Variants in ACOX3 observed in about 807,000 individuals in gnomAD.
ACOX3 encodes the protein acyl-CoA oxidase 3, pristanoyl.
Under a neutral mutation model 81.5 loss-of-function variants are expected in ACOX3, and 73 were observed. That is an observed-to-expected ratio of 0.90 (90% confidence interval 0.74 to 1.09). The LOEUF is 1.09. Ranked by LOEUF, ACOX3 falls within the 50% of genes least tolerant of loss-of-function variation. The probability of loss-of-function intolerance (pLI) is 0.00; values close to 1 mark genes in which losing one functional copy is unlikely to be tolerated. For synonymous variants in ACOX3, 387 were observed against 375.1 expected (o/e 1.03, Z -0.37); for missense variants, 947 against 928.0 (o/e 1.02, Z -0.27).
chr4:8,416,949 G>C lies in ACOX3; in HGVS notation c.-14-414C>G, dbSNP rs912595063. Among the ~76,000 whole-genome samples the C allele has an allele frequency of 6.6e-6, 1 of 152,236 alleles. No homozygotes were observed. Among genetic ancestry groups the C allele is most frequent in the African/African-American group, 2.4e-5 (1 of 41,460 alleles). On this transcript the variant is annotated intron_variant, in intron 1 of 17. Coordinates refer to ENST00000356406, the MANE Select transcript of ACOX3 (RefSeq NM_003501.3). The surrounding 1 kb of genome is among the most constrained non-coding windows in gnomAD (Gnocchi z 4.2). ...AAGCATTCCCTCTGGAATCCAGCCAGTGCCAGCTGGTCCACTCTGGCCACA... is the reference window on the plus strand; with the variant it reads ...AAGCATTCCCTCTGGAATCCAGCCACTGCCAGCTGGTCCACTCTGGCCACA...
chr4:8,418,219 A>G (rs1722545242), intron 1 of ACOX3, among the ~76,000 whole-genome samples: 1 of 152,210 alleles, frequency 6.6e-6, no homozygotes, highest in African/African-American at 2.4e-5. Context: ...ATCACAAGAG[A>G]ACTAGAAATA....
At position 8,400,295 on chromosome 4, in the gene ACOX3, G is replaced by A. The variant is rs1421805804; in HGVS notation, c.777-643C>T. ...ATAATAATAATAATAAAAGCATTGTGTATATGGTAAGTTGTACTCCAAGTA... is the reference window on the plus strand; with the variant it reads ...ATAATAATAATAATAAAAGCATTGTATATATGGTAAGTTGTACTCCAAGTA... On this transcript the variant is annotated intron_variant, in intron 7 of 17. Transcript: ENST00000356406. This position sits in a 1 kb window ranked among gnomAD's most constrained non-coding sequence, Gnocchi z 4.4. Among the ~76,000 whole-genome samples, 4 of 147,148 alleles carry A rather than the reference G, an allele frequency of 2.7e-5. No homozygotes were observed. Among genetic ancestry groups the A allele is most frequent in the South Asian group, 2.1e-4 (1 of 4,716 alleles).
intron 14 of ACOX3, 29 bp from the exon 15 acceptor site, chr4:8,375,181 C>T (rs1006799321): frequency 3.3e-5 from 50 of 1,508,100 alleles, no homozygotes; most frequent in African/African-American, 5.6e-5. Flanking sequence ...CCGTGAGGAC[C>T]GTGAGGGTCC....
Position 8,400,610 on chromosome 4 carries a change from C to T in ACOX3, c.777-958G>A, listed in dbSNP as rs1253037256. ...TGTTATGGTTGTCTGGTCAGGAAAA[C>T]CTATTACACAACAGTCTAGGGAATA... On this transcript the variant is annotated intron_variant, in intron 7 of 17. Coordinates refer to ENST00000356406, the MANE Select transcript of ACOX3 (RefSeq NM_003501.3). The surrounding 1 kb of genome is among the most constrained non-coding windows in gnomAD (Gnocchi z 4.4). 6.6e-6 allele frequency among the ~76,000 whole-genome samples: 1 copy of T among 152,104 alleles called. No individual in the cohort carries two copies. Among genetic ancestry groups the T allele is most frequent in the Non-Finnish European group, 1.5e-5 (1 of 68,036 alleles).
At chr4:8,426,597 T>C (rs1315805389) in intron 1 of ACOX3, among the ~76,000 whole-genome samples, 2 of 147,084 alleles carry the variant, frequency 1.4e-5, no homozygotes, top group Non-Finnish European at 3.0e-5. Flanking sequence ...TAGCTCCCCT[T>C]ACCAAGAGCT....
rs1450173542 is a variant in ACOX3 at position 8,406,299 on chromosome 4, G to T, written c.688-256C>A. ...AGGTCATCCCAAATCACCCAGGTGG[G>T]CCCTAAATCCCACGGCAAGTGTCCT... On this transcript the variant is annotated intron_variant, in intron 6 of 17. Transcript: ENST00000356406. The surrounding 1 kb of genome is among the most constrained non-coding windows in gnomAD (Gnocchi z 5.6). Among the ~76,000 whole-genome samples, 3 of 152,202 alleles carry T rather than the reference G, an allele frequency of 2.0e-5. No homozygotes were observed. Among genetic ancestry groups the T allele is most frequent in the Non-Finnish European group, 4.4e-5 (3 of 68,046 alleles).
intron 1 of ACOX3, among the ~76,000 whole-genome samples, chr4:8,428,672 C>T (rs1341165900): frequency 6.6e-6 from 1 of 152,268 alleles, no homozygotes; most frequent in African/African-American, 2.4e-5. Context: ...CGAGTCGCTG[C>T]CCTCTCGGAG....
At chr4:8,417,496 T>C (rs1028353938) in intron 1 of ACOX3, among the ~76,000 whole-genome samples, 3 of 151,962 alleles carry the variant, frequency 2.0e-5, no homozygotes, top group Non-Finnish European at 2.9e-5. Flanking sequence ...CTGCCCCCCA[T>C]GAAAGATGGA....
chr4:8,360,993 C>T, the ACOX3 span, among the ~76,000 whole-genome samples: 9 of 152,064 alleles, frequency 5.9e-5, no homozygotes, highest in Admixed American at 2.6e-4. Flanking sequence ...CAATTAACAT[C>T]GTCACATGTA....
Position 8,382,343 on chromosome 4 carries a change from A to ACTC in ACOX3, c.1538-739_1538-737dup, listed in dbSNP as rs1257930522. Among the ~76,000 whole-genome samples, 1 of 151,950 alleles carries ACTC rather than the reference A, an allele frequency of 6.6e-6. No individual in the cohort carries two copies. Among genetic ancestry groups the ACTC allele is most frequent in the Non-Finnish European group, 1.5e-5 (1 of 67,994 alleles). ...ACAGCCAGAGCTGGCCTCCCACAGT[A>ACTC]CTCCGTATGGACCAGGCATGGTCCT... On this transcript the variant is annotated intron_variant, in intron 13 of 17. Coordinates refer to ENST00000356406, the MANE Select transcript of ACOX3 (RefSeq NM_003501.3). The surrounding 1 kb of genome is among the most constrained non-coding windows in gnomAD (Gnocchi z 4.1).
chr4:8,422,270 T>C (rs1283142804), intron 1 of ACOX3, among the ~76,000 whole-genome samples: 1 of 151,752 alleles, frequency 6.6e-6, no homozygotes, highest in African/African-American at 2.4e-5. Flanking sequence ...TATAAGTAGT[T>C]AAGAAAAAAA....
chr4:8,389,392 C>A lies in ACOX3; in HGVS notation c.1424-106G>T, dbSNP rs16842165. The A allele has an allele frequency of 0.037, 48,343 of 1,297,906 alleles. 1,753 individuals carry two copies. Among genetic ancestry groups the A allele is most frequent in the African/African-American group, 0.18 (12,213 of 68,014 alleles). 80.4% of individuals were successfully genotyped at this position (1,297,906 alleles called of 1,614,324 possible). ...CACAGAGAGTGTCCAGAGGACCCGA[C>A]GGCCACAGACCCACAGGCGAGGGTC... is the stretch of plus-strand genomic sequence containing the variant. On this transcript the variant is annotated intron_variant, in intron 12 of 17. Coordinates refer to ENST00000356406, the MANE Select transcript of ACOX3 (RefSeq NM_003501.3). The surrounding 1 kb of genome is among the most constrained non-coding windows in gnomAD (Gnocchi z 5.3).
intron 14 of ACOX3, among the ~76,000 whole-genome samples, chr4:8,376,737 C>T (rs3756185): frequency 0.39 from 58,591 of 151,940 alleles, 11,303 homozygotes; most frequent in Middle Eastern, 0.45. Context: ...GGCCTTGGGG[C>T]TTCCTGCCCT....
Position 8,385,922 on chromosome 4 carries a change from C to T in ACOX3, c.1537+3251G>A, listed in dbSNP as rs1051704458. Among the ~76,000 whole-genome samples, 1 of 152,256 alleles carries T rather than the reference C, an allele frequency of 6.6e-6. No individual in the cohort carries two copies. The highest frequency in any genetic ancestry group is 6.5e-5 in the Admixed American group (1 of 15,288). On this transcript the variant is annotated intron_variant, in intron 13 of 17. Coordinates refer to ENST00000356406, the MANE Select transcript of ACOX3 (RefSeq NM_003501.3). The surrounding 1 kb of genome is among the most constrained non-coding windows in gnomAD (Gnocchi z 5.5). ...GGCGTGAGGGATAATGGCGGTCTCTCTCCCATACCACTTTGAACAAGTGAA... is the reference window on the plus strand; with the variant it reads ...GGCGTGAGGGATAATGGCGGTCTCTTTCCCATACCACTTTGAACAAGTGAA...
rs952976945 is a variant in ACOX3, at chr4:8,381,211, C to G, written c.1653+281G>C. On this transcript the variant is annotated intron_variant, in intron 14 of 17. Transcript: ENST00000356406. The surrounding 1 kb of genome is among the most constrained non-coding windows in gnomAD (Gnocchi z 4.3). ...TCCGCCACTCTGTGCATCCAAGGCT[C>G]TCACAACCCAGAGCTTCACCGCTCT... Among the ~76,000 whole-genome samples the G allele has an allele frequency of 2.0e-5, 3 of 152,190 alleles. No homozygotes were observed. Among genetic ancestry groups the G allele is most frequent in the African/African-American group, 7.2e-5 (3 of 41,448 alleles).
intron 14 of ACOX3, among the ~76,000 whole-genome samples, chr4:8,376,254 T>A (rs1716946302): frequency 6.6e-6 from 1 of 152,166 alleles, no homozygotes; most frequent in African/African-American, 2.4e-5. Flanking sequence ...TCTTTCCCTG[T>A]CTCCCATTTA....
downstream of ACOX3, among the ~76,000 whole-genome samples, chr4:8,365,728 A>G (rs1236831854): frequency 6.6e-6 from 1 of 150,562 alleles, no homozygotes; most frequent in Non-Finnish European, 1.5e-5. Flanking sequence ...ATGCCCCTGG[A>G]GCCCCAGACG....
At chr4:8,379,496 G>A (rs959670411) in intron 14 of ACOX3, among the ~76,000 whole-genome samples, 1 of 152,202 alleles carries the variant, frequency 6.6e-6, no homozygotes, top group Non-Finnish European at 1.5e-5. Context: ...CAGAACCCAG[G>A]ACCCCTCCTG....
chr4:8,413,687 G>A lies in ACOX3; in HGVS notation c.543+605C>T, dbSNP rs368045575. Among the ~76,000 whole-genome samples the A allele has an allele frequency of 2.0e-4, 27 of 133,974 alleles. No individual in the cohort carries two copies. In the East Asian group the frequency reaches 4.5e-3, roughly 22 times the overall value. 87.9% of individuals were successfully genotyped at this position (133,974 alleles called of 152,430 possible). A position where few individuals can be genotyped will look rare whatever the true frequency, so the allele number is the denominator to read the frequency against. ...GCCCCAGGGCATCCATCTGTGGCCC[G>A]TCTCACTGCACCCCGTGCCCCTCCA... On this transcript the variant is annotated intron_variant, in intron 5 of 17. Coordinates refer to ENST00000356406, the MANE Select transcript of ACOX3 (RefSeq NM_003501.3).
Sources: gnomAD v4.1 joint callset for allele counts (sites outside exome capture counted in the v4.1 genomes callset) on GRCh38, gnomAD v4.1.1 for gene constraint, Gnocchi (gnomAD v3.1) non-coding constraint, MANE v1.5 for transcripts, NCBI Gene and HGNC (gene_info 2026-07-23, HGNC 2026-07-21) for gene names.